The following KAZN variants were observed in gnomAD, a reference collection of about 807,000 sequenced individuals.
KAZN encodes the protein kazrin.
In KAZN, 40 loss-of-function variants were observed where a neutral mutation model predicts 87.4. The ratio of observed to expected loss-of-function variants is 0.46; its 90% CI spans 0.36 to 0.60. The LOEUF (loss-of-function observed/expected upper bound fraction) is 0.60, where lower values mean the gene tolerates loss of function less well. Among genes scored for constraint, KAZN ranks in the 20% least tolerant of loss-of-function variants. The pLI is 0.00. For missense variants in KAZN, 898 were observed against 1,073.9 expected (o/e 0.84, Z 2.29); for synonymous variants, 466 against 458.3 (o/e 1.02, Z -0.22).
chr1:13,914,288 G>T (rs1570263269), intron 1 of KAZN, among the ~76,000 whole-genome samples: 1 of 152,372 alleles, frequency 6.6e-6, no homozygotes, highest in African/African-American at 2.4e-5. Context: ...GGGATGCTAT[G>T]TGAGCCTGGC....
At chr1:14,692,252 G>T in intron 1 of KAZN, 1 of 704,034 alleles carries the variant, frequency 1.4e-6, no homozygotes, top group Non-Finnish European at 2.1e-6. Context: ...ACCTGCGCTG[G>T]CAATCTGGGA....
chr1:14,157,132 C>A (rs1463599844), intron 1 of KAZN, among the ~76,000 whole-genome samples: 1 of 152,082 alleles, frequency 6.6e-6, no homozygotes, highest in African/African-American at 2.4e-5. Flanking sequence ...GAACTCTATG[C>A]TTTAACTTCA....
At chr1:15,078,346 A>G (rs1335120470) in intron 8 of KAZN, among the ~76,000 whole-genome samples, 2 of 152,116 alleles carry the variant, frequency 1.3e-5, no homozygotes, top group Non-Finnish European at 2.9e-5. Context: ...CGGATGTTGC[A>G]GTGAGCCGAG....
intron 1 of KAZN, among the ~76,000 whole-genome samples, chr1:14,169,364 C>G (rs1289374362): frequency 6.6e-6 from 1 of 152,122 alleles, no homozygotes; most frequent in Admixed American, 6.5e-5. Context: ...TTTCCCACAT[C>G]CAGACTGCCC....
intron 1 of KAZN, among the ~76,000 whole-genome samples, chr1:14,058,393 C>A (rs1642661984): frequency 6.6e-6 from 1 of 152,230 alleles, no homozygotes; most frequent in Middle Eastern, 3.4e-3. Flanking sequence ...CCATTCTGTT[C>A]TCTGCTACTG....
At chr1:14,576,665 T>C (rs1202464975) in intron 2 of KAZN, among the ~76,000 whole-genome samples, 1 of 152,226 alleles carries the variant, frequency 6.6e-6, no homozygotes, top group African/African-American at 2.4e-5. Context: ...CCTGCTGCCA[T>C]TGAACGCTAA....
chr1:13,979,969 A>C (rs1420205989), intron 1 of KAZN, among the ~76,000 whole-genome samples: 1 of 151,988 alleles, frequency 6.6e-6, no homozygotes, highest in Non-Finnish European at 1.5e-5. Context: ...AAATTTGCAT[A>C]GAATTAAAAT....
At chr1:15,080,492 C>T (rs1032110045) in intron 8 of KAZN, among the ~76,000 whole-genome samples, 1 of 152,072 alleles carries the variant, frequency 6.6e-6, no homozygotes, top group African/African-American at 2.4e-5. Flanking sequence ...CTGATAGGCT[C>T]TCCTCCTGAT....
At chr1:14,646,699 C>A (rs776203683) in intron 1 of KAZN, among the ~76,000 whole-genome samples, 1 of 152,182 alleles carries the variant, frequency 6.6e-6, no homozygotes, top group Non-Finnish European at 1.5e-5. Flanking sequence ...ACAAAAATGT[C>A]TCCAGACATG....
intron 2 of KAZN, among the ~76,000 whole-genome samples, chr1:14,417,204 CAAAG>C (rs1224631595): frequency 1.7e-4 from 25 of 150,362 alleles, no homozygotes; most frequent in Admixed American, 1.4e-3. Context: ...AAGGAAAAAA[CAAAG>C]AAAAACAATA....
rs562514714 is a variant in KAZN at position 14,756,340 on chromosome 1, C to A, written c.226+157117C>A. Among the ~76,000 whole-genome samples, 30 of 152,316 alleles carry A rather than the reference C, an allele frequency of 2.0e-4. No individual in the cohort carries two copies. In the South Asian group the frequency reaches 2.7e-3, roughly 14 times the overall value. ...GATTCCTTACTCTGAGACAAGCACG[C>A]CCCGGCAAGAGGTCTGGAAAGCCAG... On this transcript the variant is annotated intron_variant, in intron 1 of 14. Coordinates refer to ENST00000376030, the MANE Select transcript of KAZN (RefSeq NM_201628.3).
At chr1:14,115,744 A>G (rs1395615652) in intron 1 of KAZN, among the ~76,000 whole-genome samples, 1 of 150,890 alleles carries the variant, frequency 6.6e-6, no homozygotes, top group Non-Finnish European at 1.5e-5. Context: ...TGGAGGGCTC[A>G]GAAGAAGACA....
chr1:13,930,055 CT>C (rs1307213883), intron 1 of KAZN, among the ~76,000 whole-genome samples: 1 of 152,150 alleles, frequency 6.6e-6, no homozygotes, highest in Non-Finnish European at 1.5e-5. Flanking sequence ...ATTTCCCCTT[CT>C]CTGTATATTA....
In KAZN at chr1:14,230,801, T is replaced by C. The variant is rs564486327; in HGVS notation, c.249+50209T>C. 3.7e-4 allele frequency among the ~76,000 whole-genome samples: 57 copies of C among 152,278 alleles called. 3 individuals carry two copies. Among genetic ancestry groups the C allele is most frequent in the Admixed American group, 2.9e-3 (44 of 15,298 alleles). On this transcript the variant is annotated intron_variant, in intron 2 of 16. Coordinates refer to the KAZN transcript ENST00000636203. ...AGGTTATAAACAATGATTTATGACC[T>C]CTTGAGGTGCTAGAAAACATTGCAT...
chr1:14,456,024 C>T (rs1667548009), intron 2 of KAZN, among the ~76,000 whole-genome samples: 1 of 152,124 alleles, frequency 6.6e-6, no homozygotes, highest in Non-Finnish European at 1.5e-5. Flanking sequence ...GGTGCTGACT[C>T]AAGAAGATAG....
intron 1 of KAZN, among the ~76,000 whole-genome samples, chr1:14,670,530 G>A (rs933217338): frequency 6.6e-6 from 1 of 152,140 alleles, no homozygotes. Flanking sequence ...AGTTACCTGG[G>A]GAGCAGGTGA....
chr1:14,231,806 A>G (rs1400081132), intron 2 of KAZN, among the ~76,000 whole-genome samples: 3 of 152,208 alleles, frequency 2.0e-5, no homozygotes, highest in Non-Finnish European at 4.4e-5. Context: ...TAGTACAGCA[A>G]ACATTTATTT....
intron 2 of KAZN, among the ~76,000 whole-genome samples, chr1:14,469,505 G>T (rs2148366488): frequency 6.6e-6 from 1 of 152,288 alleles, no homozygotes; most frequent in Non-Finnish European, 1.5e-5. Context: ...AACTGTTATT[G>T]TTGCTGAAGT....
At chr1:14,745,036 G>A (rs1644221972) in intron 1 of KAZN, among the ~76,000 whole-genome samples, 1 of 152,088 alleles carries the variant, frequency 6.6e-6, no homozygotes, top group Admixed American at 6.5e-5. Context: ...AGTTCAAGTG[G>A]CAGGAGATGA....
Sources: gnomAD v4.1 joint callset for allele counts (sites outside exome capture counted in the v4.1 genomes callset) on GRCh38, gnomAD v4.1.1 for gene constraint, MANE v1.5 for transcripts, NCBI Gene and HGNC (gene_info 2026-07-23, HGNC 2026-07-21) for gene names.